AFG1L: variants seen among roughly 807,000 people sequenced by gnomAD.
The protein encoded by AFG1L is AFG1-like ATPase.
Under a neutral mutation model 62.2 loss-of-function variants are expected in AFG1L, and 53 were observed. The ratio of observed to expected loss-of-function variants is 0.85; its 90% CI spans 0.68 to 1.07. The LOEUF is 1.07. Ranked by LOEUF, AFG1L falls within the 50% of genes least tolerant of loss-of-function variation. AFG1L has a pLI of 0.00. For synonymous variants in AFG1L, 228 were observed against 210.3 expected, an observed-to-expected ratio of 1.08 and a Z score of -0.73; for missense variants, 555 against 590.5, an observed-to-expected ratio of 0.94 and a Z score of 0.62.
At chr6:108,300,485 C>T (rs1410804451) in intron 1 of AFG1L, among the ~76,000 whole-genome samples, 3 of 151,990 alleles carry the variant, frequency 2.0e-5, no homozygotes, top group Non-Finnish European at 4.4e-5. Context: ...AGAACTAACC[C>T]TCCTATATAT....
At chr6:108,518,186 A>C (rs1774977990) in intron 11 of AFG1L, among the ~76,000 whole-genome samples, 1 of 152,214 alleles carries the variant, frequency 6.6e-6, no homozygotes, top group African/African-American at 2.4e-5. Flanking sequence ...TCATGCTGCT[A>C]TAAAGACACA....
chr6:108,495,221 C>G (rs957097356), intron 10 of AFG1L, among the ~76,000 whole-genome samples: 1 of 152,130 alleles, frequency 6.6e-6, no homozygotes, highest in Non-Finnish European at 1.5e-5. Context: ...AAAGGTACTT[C>G]TCTTTAAGAT....
At chr6:108,429,336 A>C (rs77617034) in intron 7 of AFG1L, among the ~76,000 whole-genome samples, 6,492 of 152,302 alleles carry the variant, frequency 0.043, 216 homozygotes, top group South Asian at 0.1. Flanking sequence ...GAGCAAAGTC[A>C]TATTTTACAT....
intron 10 of AFG1L, among the ~76,000 whole-genome samples, chr6:108,497,941 A>G (rs1413932392): frequency 1.3e-5 from 2 of 152,162 alleles, no homozygotes; most frequent in Admixed American, 1.3e-4. Context: ...CCTCTAGTCT[A>G]CAGGCTATGG....
At chr6:108,446,062 ACACACACACAC>A (rs1771777326) in intron 7 of AFG1L, among the ~76,000 whole-genome samples, 23 of 23,494 alleles carry the variant, frequency 9.8e-4, no homozygotes, top group African/African-American at 5.9e-3. Flanking sequence ...ACACACACAC[ACACACACACAC>A]ACACACACAC....
chr6:108,513,640 T>A (rs1037533558), intron 11 of AFG1L, among the ~76,000 whole-genome samples: 4 of 152,158 alleles, frequency 2.6e-5, no homozygotes, highest in Non-Finnish European at 4.4e-5. Context: ...TGGAGCCCAC[T>A]GCAGCTCAAG....
At chr6:108,327,621 C>CA (rs1211453316) in intron 2 of AFG1L, among the ~76,000 whole-genome samples, 3 of 152,336 alleles carry the variant, frequency 2.0e-5, no homozygotes, top group South Asian at 4.1e-4. Flanking sequence ...ATGACCTCAT[C>CA]ACCTTCCAAA....
chr6:108,489,178 T>C (rs1241008413), intron 10 of AFG1L, among the ~76,000 whole-genome samples: 2 of 152,186 alleles, frequency 1.3e-5, no homozygotes, highest in East Asian at 3.9e-4. Context: ...AGAAACCTGC[T>C]GTTTTTAGCT....
chr6:108,485,652 A>ATT (rs1773535849), intron 10 of AFG1L, among the ~76,000 whole-genome samples: 2 of 22,726 alleles, frequency 8.8e-5, no homozygotes, highest in African/African-American at 5.9e-4. Context: ...ATATATATAT[A>ATT]TATATTTTTT....
chr6:108,504,191 CTGTT>C (rs1276991829), intron 10 of AFG1L, among the ~76,000 whole-genome samples: 29 of 152,316 alleles, frequency 1.9e-4, no homozygotes, highest in East Asian at 1.9e-4. Context: ...ACTTGGCTAA[CTGTT>C]TGGCTCAAGA....
chr6:108,457,590 T>G (rs1285357363), intron 8 of AFG1L, among the ~76,000 whole-genome samples: 1 of 151,930 alleles, frequency 6.6e-6, no homozygotes, highest in East Asian at 1.9e-4. Flanking sequence ...CATAATACAT[T>G]GTCATTACTT....
chr6:108,446,511 T>G (rs9486883), intron 7 of AFG1L, among the ~76,000 whole-genome samples: 28,622 of 99,066 alleles, frequency 0.29, 3,053 homozygotes, highest in Middle Eastern at 0.34. Context: ...TTTTTTTTTT[T>G]TGTGTGTGTG....
chr6:108,511,234 A>T (rs1213291317), intron 11 of AFG1L, among the ~76,000 whole-genome samples: 3 of 152,062 alleles, frequency 2.0e-5, no homozygotes, highest in Admixed American at 2.0e-4. Flanking sequence ...TGAGTGAATG[A>T]CTAGAGGACC....
At chr6:108,392,889 T>C (rs905018509) in intron 6 of AFG1L, among the ~76,000 whole-genome samples, 1 of 152,142 alleles carries the variant, frequency 6.6e-6, no homozygotes, top group East Asian at 1.9e-4. Flanking sequence ...TTCAGCTTCT[T>C]GGTTTGACAC....
At chr6:108,343,070 CTTT>C (rs1318016021) in intron 2 of AFG1L, among the ~76,000 whole-genome samples, 1 of 143,870 alleles carries the variant, frequency 7.0e-6, no homozygotes. Context: ...TTTTCTTTTT[CTTT>C]TTTTTTTTTG....
At chr6:108,309,432 T>C (rs1196930133) in intron 1 of AFG1L, among the ~76,000 whole-genome samples, 1 of 152,222 alleles carries the variant, frequency 6.6e-6, no homozygotes, top group African/African-American at 2.4e-5. Context: ...CCTCCAACTT[T>C]GTTCTTTTTC....
Position 108,509,950 on chromosome 6 carries a change from G to A in AFG1L, c.1063-262G>A, listed in dbSNP as rs528978137. On this transcript the variant is annotated intron_variant, in intron 10 of 12. Transcript: ENST00000368977. ...TAAAAAAATGTAAAACCTCATATTAGGTATGTAGTTATGTATAATTAAGCT... is the reference window on the plus strand; with the variant it reads ...TAAAAAAATGTAAAACCTCATATTAAGTATGTAGTTATGTATAATTAAGCT... Among the ~76,000 whole-genome samples, 13 of 152,108 alleles carry A rather than the reference G, an allele frequency of 8.5e-5. No individual in the cohort carries two copies. The South Asian group carries it at 2.7e-3, about 32-fold the overall frequency.
intron 6 of AFG1L, among the ~76,000 whole-genome samples, chr6:108,396,443 G>A (rs1305935779): frequency 2.0e-5 from 3 of 151,944 alleles, no homozygotes; most frequent in Non-Finnish European, 2.9e-5. Context: ...TTAAGAAATA[G>A]TTTTAAAATT....
At chr6:108,435,301 C>G (rs1267427202) in intron 7 of AFG1L, among the ~76,000 whole-genome samples, 1 of 152,176 alleles carries the variant, frequency 6.6e-6, no homozygotes, top group African/African-American at 2.4e-5. Context: ...AGGACTTTAC[C>G]TCTGGGCATG....
Sources: gnomAD v4.1 joint callset for allele counts (sites outside exome capture counted in the v4.1 genomes callset) on GRCh38, gnomAD v4.1.1 for gene constraint, MANE v1.5 for transcripts, NCBI Gene and HGNC (gene_info 2026-07-23, HGNC 2026-07-21) for gene names.